PDE1C: variants seen among roughly 807,000 people sequenced by gnomAD.
PDE1C encodes dual specificity calcium/calmodulin-dependent 3',5'-cyclic nucleotide phosphodiesterase 1C.
In PDE1C, 62 loss-of-function variants were observed where a neutral mutation model predicts 93.1. The ratio of observed to expected loss-of-function variants is 0.67; its 90% CI spans 0.54 to 0.82. The LOEUF is 0.82. Ranked by LOEUF, PDE1C falls within the 40% of genes least tolerant of loss-of-function variation. The pLI is 0.00. For missense variants in PDE1C, 742 were observed against 884.6 expected (o/e 0.84, Z 2.04); for synonymous variants, 325 against 310.1 (o/e 1.05, Z -0.50).
At chr7:31,972,916 C>A (rs57274329) in intron 2 of PDE1C, among the ~76,000 whole-genome samples, 2,610 of 152,146 alleles carry the variant, frequency 0.017, 70 homozygotes, top group African/African-American at 0.06. Context: ...CCAGGCCAAC[C>A]CATAGAAGCA....
chr7:32,154,690 A>G (rs1039189893), intron 3 of PDE1C, among the ~76,000 whole-genome samples: 8 of 152,126 alleles, frequency 5.3e-5, no homozygotes, highest in Non-Finnish European at 1.0e-4. Context: ...GCTTTGTCTG[A>G]CTCCAAGCTC....
At chr7:32,309,930 C>T (rs1813127530) in intron 1 of PDE1C, among the ~76,000 whole-genome samples, 3 of 152,162 alleles carry the variant, frequency 2.0e-5, no homozygotes, top group African/African-American at 7.2e-5. Flanking sequence ...GGACTAAATG[C>T]TCCAATTTAA....
chr7:31,735,202 C>A, the PDE1C span, among the ~76,000 whole-genome samples: 2 of 152,112 alleles, frequency 1.3e-5, no homozygotes, highest in African/African-American at 4.8e-5. Flanking sequence ...AGTTTGAGAC[C>A]AGCCTGACCA....
chr7:31,853,470 G>C (rs1313044856), intron 7 of PDE1C, among the ~76,000 whole-genome samples: 1 of 152,270 alleles, frequency 6.6e-6, no homozygotes, highest in East Asian at 1.9e-4. Flanking sequence ...AGCAGCAAAA[G>C]CATGTCCACC....
At chr7:32,182,406 T>C (rs934304284) in intron 2 of PDE1C, among the ~76,000 whole-genome samples, 1 of 152,112 alleles carries the variant, frequency 6.6e-6, no homozygotes, top group African/African-American at 2.4e-5. Context: ...CTCAATAAAA[T>C]ACTGGCAAAC....
chr7:32,153,395 TG>T (rs1242486447), intron 3 of PDE1C, among the ~76,000 whole-genome samples: 1 of 152,086 alleles, frequency 6.6e-6, no homozygotes, highest in Non-Finnish European at 1.5e-5. Context: ...ACAGCTAAGA[TG>T]GGCCTTAATG....
At chr7:32,198,982 G>T (rs1479508845) in intron 2 of PDE1C, among the ~76,000 whole-genome samples, 3 of 152,078 alleles carry the variant, frequency 2.0e-5, no homozygotes, top group Admixed American at 2.0e-4. Context: ...AATTCGCCGG[G>T]CATGGTGGCG....
chr7:32,267,586 ACTCTCTCTCTCTCTCT>A (rs57210713), intron 1 of PDE1C, among the ~76,000 whole-genome samples: 14 of 117,534 alleles, frequency 1.2e-4, no homozygotes, highest in Non-Finnish European at 2.3e-4. Flanking sequence ...ACACACACAC[ACTCTCTCTCTCTCTCT>A]CTCTCTCTCT....
chr7:31,954,007 A>G (rs1807771482), intron 2 of PDE1C, among the ~76,000 whole-genome samples: 1 of 152,176 alleles, frequency 6.6e-6, no homozygotes, highest in Admixed American at 6.5e-5. Context: ...CCTCCAATTC[A>G]ATCTTCTGCT....
chr7:31,798,195 T>C (rs1392758195), intron 16 of PDE1C, among the ~76,000 whole-genome samples: 2 of 151,808 alleles, frequency 1.3e-5, no homozygotes, highest in Non-Finnish European at 2.9e-5. Flanking sequence ...TTTCACATTG[T>C]ACATCAGTAA....
chr7:31,842,864 C>T (rs989052694), intron 9 of PDE1C, among the ~76,000 whole-genome samples: 2 of 151,742 alleles, frequency 1.3e-5, no homozygotes, highest in Non-Finnish European at 2.9e-5. Context: ...CTACTATGAA[C>T]ATTTATAGCT....
intron 16 of PDE1C, among the ~76,000 whole-genome samples, chr7:31,804,797 A>G (rs892334008): frequency 2.0e-5 from 3 of 151,846 alleles, no homozygotes; most frequent in Non-Finnish European, 4.4e-5. Context: ...TCAACAGTCA[A>G]TCTGATAAAC....
intron 1 of PDE1C, among the ~76,000 whole-genome samples, chr7:32,256,374 T>C (rs547806914): frequency 6.6e-6 from 1 of 152,288 alleles, no homozygotes; most frequent in South Asian, 2.1e-4. Flanking sequence ...ATCAGGTGAC[T>C]GGAGTAGTAG....
At chr7:31,854,870 C>A (rs948433530) in intron 7 of PDE1C, among the ~76,000 whole-genome samples, 2 of 152,026 alleles carry the variant, frequency 1.3e-5, no homozygotes, top group African/African-American at 4.8e-5. Flanking sequence ...AGTTCAAGAC[C>A]AGACTGGCAA....
intron 2 of PDE1C, among the ~76,000 whole-genome samples, chr7:32,208,929 A>G (rs1192428423): frequency 6.6e-6 from 1 of 152,142 alleles, no homozygotes; most frequent in Admixed American, 6.5e-5. Flanking sequence ...CAATCCATCT[A>G]AGCTTCAAAG....
intron 2 of PDE1C, among the ~76,000 whole-genome samples, chr7:31,979,599 C>T (rs924041750): frequency 3.9e-5 from 6 of 152,288 alleles, no homozygotes; most frequent in East Asian, 1.9e-4. Context: ...TTCAAACCCA[C>T]GCAGTCTGGC....
chr7:32,088,849 G>A (rs1336234067), intron 3 of PDE1C, among the ~76,000 whole-genome samples: 2 of 152,230 alleles, frequency 1.3e-5, no homozygotes, highest in Admixed American at 1.3e-4. Context: ...CACCTTTGAA[G>A]GGAAGGAACA....
At chr7:32,224,814 A>G (rs1807133544) in intron 1 of PDE1C, among the ~76,000 whole-genome samples, 2 of 152,172 alleles carry the variant, frequency 1.3e-5, no homozygotes, top group Admixed American at 1.3e-4. Flanking sequence ...TTTGCTATTA[A>G]CAAGGGAAAA....
rs749892136 is a variant in PDE1C, at chr7:31,850,757, A to C, written c.751-16T>G. 9 of 1,540,324 alleles carry C rather than the reference A, an allele frequency of 5.8e-6. No homozygotes were observed. The highest frequency in any genetic ancestry group is 8.1e-6 in the Non-Finnish European group (9 of 1,112,924). ...TCAGCCAGTTCTGAAAGGAGATTAC[A>C]GAGCAATCAGATAATCTGTTTCTTT... On this transcript the variant is annotated splice_polypyrimidine_tract_variant and intron_variant, in intron 7 of 17. Coordinates refer to ENST00000396191, the MANE Select transcript of PDE1C (RefSeq NM_001191057.4).
Sources: allele counts gnomAD v4.1 joint callset (sites outside exome capture counted in the v4.1 genomes callset), GRCh38; gene constraint gnomAD v4.1.1; transcripts MANE v1.5; gene names NCBI Gene and HGNC (gene_info 2026-07-23, HGNC 2026-07-21).